Variants in DEPDC1 observed in about 807,000 individuals in gnomAD.
The protein encoded by DEPDC1 is DEP domain-containing protein 1A.
DEPDC1 carries 66 observed loss-of-function variants against 86.8 expected under a neutral mutation model. The observed-to-expected ratio is 0.76, with a 90% CI of 0.62 to 0.93. The LOEUF (loss-of-function observed/expected upper bound fraction) is 0.93, where lower values mean the gene tolerates loss of function less well. DEPDC1 is among the 40% of genes least tolerant of loss of function. The pLI is 0.00. For missense variants in DEPDC1, 792 were observed against 935.7 expected (o/e 0.85, Z 2.00); for synonymous variants, 255 against 314.9 (o/e 0.81, Z 2.02).
At chr1:68,486,070 G>A (rs1011265491) in intron 6 of DEPDC1, among the ~76,000 whole-genome samples, 1 of 152,030 alleles carries the variant, frequency 6.6e-6, no homozygotes, top group African/African-American at 2.4e-5. Context: ...TGATCACTAC[G>A]AAAAGCTTGA....
intron 6 of DEPDC1, among the ~76,000 whole-genome samples, chr1:68,486,406 C>G (rs1329839028): frequency 1.3e-5 from 2 of 152,052 alleles, no homozygotes; most frequent in Non-Finnish European, 2.9e-5. Flanking sequence ...AGCCATGTTT[C>G]CTATACAACC....
At position 68,496,849 on chromosome 1, in the gene DEPDC1, TC is replaced by T. The variant is rs1193341416; in HGVS notation, c.48+102del. 3.4e-6 allele frequency: 4 copies of T among 1,184,664 alleles called. No homozygotes were observed. The African/African-American group carries it at 4.6e-5, about 14-fold the overall frequency. 73.4% of individuals were successfully genotyped at this position (1,184,664 alleles called of 1,614,324 possible). ...CTGAACCTAGGGATCCTGGGACTCA[TC>T]CCTCCGACCGAGGTAAAACTGCGAA... On this transcript the variant is annotated intron_variant, in intron 1 of 11. Coordinates refer to ENST00000456315, the MANE Select transcript of DEPDC1 (RefSeq NM_001114120.3). The surrounding 1 kb of genome is among the most constrained non-coding windows in gnomAD (Gnocchi z 4.0).
At chr1:68,492,925 A>T (rs906687927) in intron 2 of DEPDC1, among the ~76,000 whole-genome samples, 3 of 152,194 alleles carry the variant, frequency 2.0e-5, no homozygotes, top group Non-Finnish European at 2.9e-5. Flanking sequence ...AGAGGGTGAT[A>T]GTCATTTTTC....
intron 5 of DEPDC1, 129 bp from the exon 6 acceptor site, chr1:68,487,113 G>T: frequency 1.5e-6 from 1 of 684,500 alleles, no homozygotes; most frequent in Non-Finnish European, 2.2e-6. Context: ...ATTTGTATAT[G>T]TGTGTATTAC....
chr1:68,489,696 G>A, intron 2 of DEPDC1, 88 bp from the exon 3 acceptor site: 1 of 975,868 alleles, frequency 1.0e-6, no homozygotes, highest in Non-Finnish European at 1.5e-6. Context: ...CACATAAAGA[G>A]CCTGACTTAT....
At chr1:68,483,456 T>C (rs10789263) in intron 7 of DEPDC1, 50,270 of 395,468 alleles carry the variant, frequency 0.13, 3,690 homozygotes, top group Admixed American at 0.17. Flanking sequence ...TTGAGTTCAA[T>C]TGACAACAGT....
At position 68,482,334 on chromosome 1, in the gene DEPDC1, G is replaced by C; in HGVS notation, c.1474C>G (p.Gln492Glu). The change falls in exon 8 of 12, where the codon CAA (glutamine) becomes GAA (glutamate). Residue 492 changes from glutamine (Q) to glutamate (E), a missense_variant. Transcript: ENST00000456315. ...GFKRTSTLTVQDQEELCNGKC... is the reference protein window; with the variant it reads ...GFKRTSTLTVEDQEELCNGKC... ...CCATTACACAACTCCTCTTGGTCTTGAACAGTCAAAGTAGAGGTTCTCTTA... is the reference window on the plus strand; with the variant it reads ...CCATTACACAACTCCTCTTGGTCTTCAACAGTCAAAGTAGAGGTTCTCTTA... 1 of 1,612,894 alleles carries C rather than the reference G, an allele frequency of 6.2e-7. No individual in the cohort carries two copies. The highest frequency in any genetic ancestry group is 1.1e-5 in the South Asian group (1 of 91,048).
chr1:68,484,956 T>TATATATATATA (rs1553156034), intron 6 of DEPDC1, among the ~76,000 whole-genome samples: 1 of 125,880 alleles, frequency 7.9e-6, no homozygotes, highest in Non-Finnish European at 1.8e-5. Flanking sequence ...ATATATATAT[T>TATATATATATA]TTTTAAAGAT....
chr1:68,493,740 T>C (rs7551824), intron 2 of DEPDC1, among the ~76,000 whole-genome samples: 85,865 of 152,060 alleles, frequency 0.56, 25,204 homozygotes, highest in Middle Eastern at 0.82. Flanking sequence ...TTTTTTGAGA[T>C]AGTCTTGCTC....
At chr1:68,493,729 A>AC (rs1198231206) in intron 2 of DEPDC1, among the ~76,000 whole-genome samples, 2 of 152,084 alleles carry the variant, frequency 1.3e-5, no homozygotes, top group Non-Finnish European at 2.9e-5. Context: ...TATCATTGTT[A>AC]TTTTTTGAGA....
intron 10 of DEPDC1, 85 bp downstream of exon 10, chr1:68,479,059 C>T: frequency 8.2e-7 from 1 of 1,212,640 alleles, no homozygotes; most frequent in African/African-American, 1.5e-5. Flanking sequence ...CTGATAAAGT[C>T]TCCCTTTTTG....
intron 9 of DEPDC1, 120 bp from the exon 10 acceptor site, chr1:68,479,440 T>A: frequency 1.5e-6 from 1 of 667,882 alleles, no homozygotes. Context: ...CAGCCCTCAG[T>A]TTAAAAATGA....
intron 2 of DEPDC1, among the ~76,000 whole-genome samples, chr1:68,492,801 G>A (rs1459796497): frequency 1.3e-5 from 2 of 152,106 alleles, no homozygotes; most frequent in Non-Finnish European, 2.9e-5. Context: ...TACTTAGGGA[G>A]CACAATAGAC....
chr1:68,496,504 A>G lies in DEPDC1; in HGVS notation c.48+448T>C, dbSNP rs1295201804. 6.6e-6 allele frequency among the ~76,000 whole-genome samples: 1 copy of G among 152,208 alleles called. No individual in the cohort carries two copies. The highest frequency in any genetic ancestry group is 1.9e-4 in the East Asian group (1 of 5,200). On this transcript the variant is annotated intron_variant, in intron 1 of 11. Transcript: ENST00000456315. The surrounding 1 kb of genome is among the most constrained non-coding windows in gnomAD (Gnocchi z 4.0). The stretch of plus-strand genomic sequence containing the variant: ...GCCGATACATCCTGCGTTAAATTCT[A>G]TGGGTTCAATAAACAAAATTGCCAC...
chr1:68,492,629 C>G (rs960490395), intron 2 of DEPDC1, among the ~76,000 whole-genome samples: 1 of 152,054 alleles, frequency 6.6e-6, no homozygotes, highest in African/African-American at 2.4e-5. Context: ...ATAGCTTGAA[C>G]CCAGGAGGCA....
In DEPDC1 at chr1:68,479,183, A is replaced by C. The variant is rs1230410205; in HGVS notation, c.2073T>G (p.Thr691=). Residue 691 remains threonine, a synonymous_variant, in exon 10 of 12, where the codon ACT becomes ACG. Transcript: ENST00000456315. ...AGTAGTCAAGATGTTTTTCCACTGCAGTCTGTAAGTAAGAGGGTACTTGAA... is the reference window on the plus strand; with the variant it reads ...AGTAGTCAAGATGTTTTTCCACTGCCGTCTGTAAGTAAGAGGGTACTTGAA... The part of the protein sequence containing the change: ...EILQVPSYLQ[T]AVEKHLDYLK... The C allele has an allele frequency of 6.2e-7, 1 of 1,611,144 alleles. No individual in the cohort carries two copies. The highest frequency in any genetic ancestry group is 8.5e-7 in the Non-Finnish European group (1 of 1,179,010).
rs1216602069 is a variant in DEPDC1, at chr1:68,481,580, T to C, written c.1795A>G (p.Ile599Val). 6.2e-7 allele frequency: 1 copy of C among 1,608,354 alleles called. No homozygotes were observed. Among genetic ancestry groups the C allele is most frequent in the African/African-American group, 1.3e-5 (1 of 74,642 alleles). ...LLQPHLERVA[I>V]DALQLCCLLL... The stretch of plus-strand genomic sequence containing the variant: ...AAACAACATAACTGTAGAGCATCGA[T>C]GGCAACCCTCTCTAAATGAGGTTGC... The change falls in exon 9 of 12, where the codon ATC (isoleucine) becomes GTC (valine). Residue 599 changes from isoleucine (I) to valine (V), a missense_variant. Physicochemically the swap from Ile to Val is conservative, Grantham distance 29. Coordinates refer to ENST00000456315, the MANE Select transcript of DEPDC1 (RefSeq NM_001114120.3).
At position 68,482,800 on chromosome 1, in the gene DEPDC1, C is replaced by G. The variant is rs749520646; in HGVS notation, c.1008G>C (p.Leu336Phe). 3.3e-5 allele frequency: 53 copies of G among 1,612,154 alleles called. No homozygotes were observed. The highest frequency in any genetic ancestry group is 4.5e-5 in the Non-Finnish European group (53 of 1,179,116). Residue 336 changes from leucine (L) to phenylalanine (F), a missense_variant, in exon 8 of 12, where the codon TTG becomes TTC. Coordinates refer to ENST00000456315, the MANE Select transcript of DEPDC1 (RefSeq NM_001114120.3). Reference protein sequence around the residue: ...QSSKFLHLNNLNSFKSTECLL... With the variant: ...QSSKFLHLNNFNSFKSTECLL... Reference sequence around the variant, plus strand: ...GGCACTCAGTTGATTTGAAGGAATTCAAATTGTTTAAGTGAAGGAATTTTG... The same window carrying G: ...GGCACTCAGTTGATTTGAAGGAATTGAAATTGTTTAAGTGAAGGAATTTTG...
In DEPDC1 at chr1:68,496,625, G is replaced by T. The variant is rs1038866011; in HGVS notation, c.48+327C>A. ...GCGGGTAGAAAATCAGGCGAGGTGA[G>T]CGGCCAAATCGGAATATTCTAAGAC... On this transcript the variant is annotated intron_variant, in intron 1 of 11. Transcript: ENST00000456315. This position sits in a 1 kb window ranked among gnomAD's most constrained non-coding sequence, Gnocchi z 4.0. The T allele has an allele frequency of 3.4e-6, 1 of 294,346 alleles. No individual in the cohort carries two copies. Among genetic ancestry groups the T allele is most frequent in the Non-Finnish European group, 6.3e-6 (1 of 159,580 alleles). 18.2% of individuals were successfully genotyped at this position (294,346 alleles called of 1,614,324 possible). A position where few individuals can be genotyped will look rare whatever the true frequency, so the allele number is the denominator to read the frequency against.
Sources: allele counts gnomAD v4.1 joint callset (sites outside exome capture counted in the v4.1 genomes callset), GRCh38; gene constraint gnomAD v4.1.1; non-coding constraint Gnocchi (gnomAD v3.1); transcripts MANE v1.5; gene names NCBI Gene and HGNC (gene_info 2026-07-23, HGNC 2026-07-21).